MAP3K3: variants seen among roughly 807,000 people sequenced by gnomAD.
MAP3K3 encodes MAP/ERK kinase kinase 3.
In MAP3K3, 12 loss-of-function variants were observed where a neutral mutation model predicts 80.9. That is an observed-to-expected ratio of 0.15 (90% CI 0.10 to 0.24). The LOEUF (loss-of-function observed/expected upper bound fraction) is 0.24. MAP3K3 is among the 10% of genes least tolerant of loss of function. The pLI is 1.00. For synonymous variants in MAP3K3, 272 were observed against 307.1 expected (o/e 0.89, Z 1.19); for missense variants, 596 against 834.7 (o/e 0.71, Z 3.52).
At chr17:63,662,145 C>A (rs1262938345) in intron 5 of MAP3K3, among the ~76,000 whole-genome samples, 1 of 151,108 alleles carries the variant, frequency 6.6e-6, no homozygotes, top group African/African-American at 2.4e-5. Flanking sequence ...GTGGCTCACA[C>A]CTGTAATCTC....
chr17:63,635,846 T>C (rs897563794), intron 2 of MAP3K3, among the ~76,000 whole-genome samples: 12 of 152,220 alleles, frequency 7.9e-5, no homozygotes, highest in South Asian at 6.2e-4. Flanking sequence ...AAACCTAATT[T>C]AAATGGTGAA....
chr17:63,665,119 A>G (rs2034973722), intron 5 of MAP3K3, among the ~76,000 whole-genome samples: 1 of 152,026 alleles, frequency 6.6e-6, no homozygotes, highest in South Asian at 2.1e-4. Flanking sequence ...CCTGACCAAC[A>G]TGGAGAAACC....
chr17:63,681,639 C>T (rs1359581280), intron 6 of MAP3K3, 127 bp from the exon 7 acceptor site: 10 of 792,384 alleles, frequency 1.3e-5, no homozygotes, highest in East Asian at 6.0e-5. Flanking sequence ...ACATGCTGGA[C>T]GTTGGTGCCA....
Position 63,691,714 on chromosome 17 carries a change from G to T in MAP3K3, c.1345-19G>T. The stretch of plus-strand genomic sequence containing the variant: ...AGCCCTCCCCTGAGGGGACTCCTCT[G>T]ACTTCTTGTGGCCTCCAGGGCTCGG... On this transcript the variant is annotated intron_variant, in intron 13 of 15. Coordinates refer to ENST00000361733, the MANE Select transcript of MAP3K3 (RefSeq NM_002401.5). This position sits in a 1 kb window ranked among gnomAD's most constrained non-coding sequence, Gnocchi z 4.8. 1.2e-6 allele frequency: 2 copies of T among 1,611,034 alleles called. No individual in the cohort carries two copies. Among genetic ancestry groups the T allele is most frequent in the South Asian group, 2.2e-5 (2 of 90,892 alleles).
At chr17:63,622,811 C>T (rs752489765) in intron 1 of MAP3K3, 48 bp downstream of exon 1, 11 of 460,878 alleles carry the variant, frequency 2.4e-5, no homozygotes, top group Non-Finnish European at 4.3e-5. Context: ...CTTCGCGACG[C>T]CCCGCCCCAG....
intron 11 of MAP3K3, 46 bp from the exon 12 acceptor site, chr17:63,690,218 A>G (rs2035555282): frequency 6.3e-7 from 1 of 1,589,404 alleles, no homozygotes; most frequent in Non-Finnish European, 8.6e-7. Context: ...TGGGATATTC[A>G]TAAATAATGT....
At chr17:63,626,802 C>CGAT (rs1461099611) in intron 1 of MAP3K3, among the ~76,000 whole-genome samples, 3 of 152,262 alleles carry the variant, frequency 2.0e-5, no homozygotes, top group African/African-American at 7.2e-5. Flanking sequence ...TGCGATCAGA[C>CGAT]GATCTGGTGG....
intron 2 of MAP3K3, among the ~76,000 whole-genome samples, chr17:63,641,504 G>T (rs1243541568): frequency 2.6e-5 from 4 of 152,080 alleles, no homozygotes; most frequent in Non-Finnish European, 5.9e-5. Context: ...ACCTCCCAAA[G>T]TGCTGGGATT....
chr17:63,625,566 G>A (rs1295565152), intron 1 of MAP3K3, among the ~76,000 whole-genome samples: 1 of 152,156 alleles, frequency 6.6e-6, no homozygotes, highest in Non-Finnish European at 1.5e-5. Flanking sequence ...GAATTATTGT[G>A]ACTTACAGAC....
chr17:63,649,391 C>T (rs537329428), intron 3 of MAP3K3, among the ~76,000 whole-genome samples: 7 of 150,548 alleles, frequency 4.6e-5, no homozygotes, highest in East Asian at 2.0e-4. Context: ...GAGCCGAGAT[C>T]GTGCCACTTC....
Position 63,689,543 on chromosome 17 carries a change from G to C in MAP3K3, c.872-1G>C. 1.2e-6 allele frequency: 2 copies of C among 1,611,926 alleles called. No individual in the cohort carries two copies. Among genetic ancestry groups the C allele is most frequent in the Non-Finnish European group, 1.7e-6 (2 of 1,178,878 alleles). On this transcript the variant is annotated splice_acceptor_variant, in intron 10 of 15. Coordinates refer to ENST00000361733, the MANE Select transcript of MAP3K3 (RefSeq NM_002401.5). LOFTEE classifies it high-confidence loss of function. The surrounding 1 kb of genome is among the most constrained non-coding windows in gnomAD (Gnocchi z 4.3). The stretch of plus-strand genomic sequence containing the variant: ...CTCCTCTGGCCCTTGCACCCTTTCA[G>C]GCAGAAGAACATTTCCCCGAATACG...
At chr17:63,676,274 G>A (rs1292898248) in intron 6 of MAP3K3, among the ~76,000 whole-genome samples, 1 of 152,224 alleles carries the variant, frequency 6.6e-6, no homozygotes, top group Admixed American at 6.5e-5. Flanking sequence ...TCCTGGGTCT[G>A]TAGTGCTGGC....
intron 6 of MAP3K3, among the ~76,000 whole-genome samples, chr17:63,669,535 C>G (rs1172049484): frequency 6.6e-6 from 1 of 151,646 alleles, no homozygotes; most frequent in Non-Finnish European, 1.5e-5. Flanking sequence ...TTGATGCCAT[C>G]TCGGCTCACT....
chr17:63,692,179 G>C lies in MAP3K3; in HGVS notation c.1475-63G>C, dbSNP rs1298999745. 6.3e-7 allele frequency: 1 copy of C among 1,584,812 alleles called. No homozygotes were observed. The highest frequency in any genetic ancestry group is 8.6e-7 in the Non-Finnish European group (1 of 1,158,508). ...CAGCAGCTCTCAGTGACCCGGGGGT[G>C]GGGAGGATGGGAGAAAATGCAAGAG... is the stretch of plus-strand genomic sequence containing the variant. On this transcript the variant is annotated intron_variant, in intron 14 of 15. Transcript: ENST00000361733. This position sits in a 1 kb window ranked among gnomAD's most constrained non-coding sequence, Gnocchi z 4.5.
chr17:63,626,685 G>A (rs1023683750), intron 1 of MAP3K3, among the ~76,000 whole-genome samples: 1 of 152,200 alleles, frequency 6.6e-6, no homozygotes, highest in Non-Finnish European at 1.5e-5. Context: ...AATGATGTTT[G>A]CCTGGGCATG....
chr17:63,695,733 G>A lies in MAP3K3; in HGVS notation c.*1956G>A, dbSNP rs1207406113. On this transcript the variant is annotated 3_prime_UTR_variant, in exon 16 of 16. Transcript: ENST00000361733. The surrounding 1 kb of genome is among the most constrained non-coding windows in gnomAD (Gnocchi z 4.1). ...ACTCAACTGTGCGTCCCAGGTTCAG[G>A]GTCTTACAGAGCTCCACCCCCTGGG... 1 of 152,544 alleles carries A rather than the reference G, an allele frequency of 6.6e-6. No individual in the cohort carries two copies. Among genetic ancestry groups the A allele is most frequent in the Non-Finnish European group, 1.5e-5 (1 of 68,048 alleles). 9.4% of individuals were successfully genotyped at this position (152,544 alleles called of 1,614,324 possible).
intron 4 of MAP3K3, among the ~76,000 whole-genome samples, chr17:63,657,066 G>C (rs1820701161): frequency 6.6e-6 from 1 of 152,160 alleles, no homozygotes; most frequent in African/African-American, 2.4e-5. Context: ...GTGCTATGCA[G>C]TCTAAATTTG....
Position 63,689,878 on chromosome 17 carries a change from G to A in MAP3K3, c.1063+143G>A. 2 of 736,710 alleles carry A rather than the reference G, an allele frequency of 2.7e-6. No homozygotes were observed. The highest frequency in any genetic ancestry group is 2.9e-5 in the Admixed American group (1 of 34,088). The allele number at this position is 736,710 out of a possible 1,614,324, so 45.6% of individuals were successfully genotyped here. ...TGCACCACATGGGATAAGCCTTGGA[G>A]TGTCTGAAGCCTGGCTCCACTATTG... is the stretch of plus-strand genomic sequence containing the variant. On this transcript the variant is annotated intron_variant, in intron 11 of 15. Transcript: ENST00000361733. The surrounding 1 kb of genome is among the most constrained non-coding windows in gnomAD (Gnocchi z 4.3).
At position 63,645,978 on chromosome 17, in the gene MAP3K3, G is replaced by A. The variant is rs549035028; in HGVS notation, c.127-56G>A. 7 of 1,436,708 alleles carry A rather than the reference G, an allele frequency of 4.9e-6. No individual in the cohort carries two copies. In the African/African-American group the frequency reaches 8.4e-5, roughly 17 times the overall value. 89.0% of individuals were successfully genotyped at this position (1,436,708 alleles called of 1,614,324 possible). A position where few individuals can be genotyped will look rare whatever the true frequency, so the allele number is the denominator to read the frequency against. On this transcript the variant is annotated intron_variant, in intron 2 of 15. Transcript: ENST00000361733. Reference sequence around the variant, plus strand: ...ACTGCCCAAGGCTTACTTGGCAATGGCAGGAGTGACACATTCCAGAGAATT... The same window carrying A: ...ACTGCCCAAGGCTTACTTGGCAATGACAGGAGTGACACATTCCAGAGAATT...
Sources: gnomAD v4.1 joint callset for allele counts (sites outside exome capture counted in the v4.1 genomes callset) on GRCh38, gnomAD v4.1.1 for gene constraint, Gnocchi (gnomAD v3.1) non-coding constraint, MANE v1.5 for transcripts, NCBI Gene and HGNC (gene_info 2026-07-23, HGNC 2026-07-21) for gene names.